Variants in NCAM2 observed in about 807,000 individuals in gnomAD.
NCAM2 encodes the protein N-CAM-2.
A neutral mutation model predicts 98.1 loss-of-function variants in NCAM2; 30 were observed. The ratio of observed to expected loss-of-function variants is 0.31; its 90% CI spans 0.23 to 0.41. NCAM2 has a LOEUF of 0.41. NCAM2 is among the 10% of genes least tolerant of loss of function. NCAM2 has a pLI of 1.00. For missense variants in NCAM2, 867 were observed against 1,005.8 expected (o/e 0.86, Z 1.87); for synonymous variants, 368 against 342.4 (o/e 1.07, Z -0.83).
chr21:21,478,281 C>A (rs1223316415), intron 15 of NCAM2, among the ~76,000 whole-genome samples: 1 of 151,860 alleles, frequency 6.6e-6, no homozygotes, highest in Non-Finnish European at 1.5e-5. Context: ...CAGACATGTA[C>A]AGATATTTAT....
At chr21:21,153,782 A>G (rs1469472613) in intron 1 of NCAM2, among the ~76,000 whole-genome samples, 1 of 151,858 alleles carries the variant, frequency 6.6e-6, no homozygotes, top group East Asian at 1.9e-4. Context: ...CATTCAATCT[A>G]TTAAGGGGTT....
chr21:21,390,606 A>G (rs1267065878), intron 9 of NCAM2, among the ~76,000 whole-genome samples: 1 of 152,232 alleles, frequency 6.6e-6, no homozygotes, highest in Non-Finnish European at 1.5e-5. Flanking sequence ...CGTTTTAAAA[A>G]GAACAAATAA....
intron 1 of NCAM2, among the ~76,000 whole-genome samples, chr21:21,076,497 C>T (rs763305602): frequency 2.6e-5 from 4 of 152,066 alleles, no homozygotes; most frequent in Admixed American, 6.6e-5. Context: ...ATAGTTCTGT[C>T]AGTTAGGTTT....
intron 1 of NCAM2, among the ~76,000 whole-genome samples, chr21:21,027,858 GTT>G (rs527303137): frequency 2.1e-5 from 3 of 142,510 alleles, no homozygotes; most frequent in Non-Finnish European, 4.6e-5. Context: ...TGTTTCTTAA[GTT>G]TTTTTTTTTT....
chr21:21,101,359 T>A (rs1266948973), intron 1 of NCAM2, among the ~76,000 whole-genome samples: 1 of 152,054 alleles, frequency 6.6e-6, no homozygotes, highest in Non-Finnish European at 1.5e-5. Flanking sequence ...ACATTTCATT[T>A]ATGTTTTTGA....
At chr21:21,331,225 C>G (rs1351666277) in intron 6 of NCAM2, among the ~76,000 whole-genome samples, 1 of 151,770 alleles carries the variant, frequency 6.6e-6, no homozygotes, top group African/African-American at 2.4e-5. Flanking sequence ...CAACCTCCAA[C>G]TCTCGGGCTC....
At chr21:21,465,418 A>G (rs1983551494) in intron 12 of NCAM2, among the ~76,000 whole-genome samples, 1 of 151,970 alleles carries the variant, frequency 6.6e-6, no homozygotes, top group Non-Finnish European at 1.5e-5. Flanking sequence ...CCATCTCTAT[A>G]GAAAACAAAC....
chr21:21,274,703 A>T (rs933402552), intron 1 of NCAM2, among the ~76,000 whole-genome samples: 3 of 152,152 alleles, frequency 2.0e-5, no homozygotes, highest in African/African-American at 7.2e-5. Flanking sequence ...TAGTCTTTTA[A>T]CACTGTTAAT....
chr21:21,021,638 T>C (rs2064439106), intron 1 of NCAM2, among the ~76,000 whole-genome samples: 2 of 152,206 alleles, frequency 1.3e-5, no homozygotes, highest in Admixed American at 6.5e-5. Context: ...TTTTAATCTT[T>C]CACAAGCTGG....
intron 1 of NCAM2, among the ~76,000 whole-genome samples, chr21:21,265,313 G>A (rs1281429707): frequency 6.4e-5 from 8 of 124,314 alleles, no homozygotes; most frequent in African/African-American, 8.9e-5. Flanking sequence ...ATACATACAC[G>A]TATATATACA....
intron 1 of NCAM2, among the ~76,000 whole-genome samples, chr21:21,200,015 G>A (rs943334346): frequency 1.3e-5 from 2 of 152,034 alleles, no homozygotes; most frequent in African/African-American, 4.8e-5. Flanking sequence ...GCCACTCCAT[G>A]AAGACTGCCC....
At chr21:21,190,927 A>G (rs1216616542) in intron 1 of NCAM2, among the ~76,000 whole-genome samples, 1 of 152,186 alleles carries the variant, frequency 6.6e-6, no homozygotes, top group Non-Finnish European at 1.5e-5. Context: ...ATATTGTTAT[A>G]AATTACAGTT....
At chr21:21,522,542 C>T (rs75220949) in intron 16 of NCAM2, among the ~76,000 whole-genome samples, 4,849 of 151,204 alleles carry the variant, frequency 0.032, 122 homozygotes, top group Non-Finnish European at 0.048. Context: ...AATATCCTTT[C>T]TCAGACAAAC....
chr21:21,509,730 A>C (rs1988241147), intron 16 of NCAM2, among the ~76,000 whole-genome samples: 1 of 152,178 alleles, frequency 6.6e-6, no homozygotes, highest in Admixed American at 6.6e-5. Flanking sequence ...ACAATGTTTT[A>C]ATATTTCCAT....
chr21:21,341,447 C>T (rs986891442), intron 8 of NCAM2, among the ~76,000 whole-genome samples: 10 of 151,964 alleles, frequency 6.6e-5, no homozygotes, highest in Non-Finnish European at 1.0e-4. Context: ...CTAATATTTC[C>T]AACAGAAAAA....
intron 1 of NCAM2, among the ~76,000 whole-genome samples, chr21:21,212,042 G>A (rs1250327875): frequency 2.0e-5 from 3 of 152,124 alleles, no homozygotes; most frequent in Admixed American, 6.6e-5. Context: ...ATAACCCAAC[G>A]ATTTCGTGCT....
chr21:21,474,007 GC>G (rs1984826665), intron 14 of NCAM2, among the ~76,000 whole-genome samples: 1 of 151,064 alleles, frequency 6.6e-6, no homozygotes. Context: ...ATTAATAATA[GC>G]CATATTCAGC....
chr21:21,214,750 C>CACTATATATACACATATATGTAATA (rs1312296366), intron 1 of NCAM2, among the ~76,000 whole-genome samples: 6 of 33,762 alleles, frequency 1.8e-4, no homozygotes, highest in African/African-American at 3.8e-4. Context: ...TATATATACA[C>CACTATATATACACATATATGTAATA]TATATATACA....
At chr21:21,118,575 G>A (rs980404837) in intron 1 of NCAM2, among the ~76,000 whole-genome samples, 17 of 152,142 alleles carry the variant, frequency 1.1e-4, no homozygotes, top group Admixed American at 3.3e-4. Flanking sequence ...CAGCAGCCAT[G>A]TTAATTACCG....
Sources: allele counts gnomAD v4.1 joint callset (sites outside exome capture counted in the v4.1 genomes callset), GRCh38; gene constraint gnomAD v4.1.1; transcripts MANE v1.5; gene names NCBI Gene and HGNC (gene_info 2026-07-23, HGNC 2026-07-21).